Variants in NFIX observed in about 807,000 individuals in gnomAD.
NFIX encodes the protein nuclear factor 1 X-type.
In NFIX, 2 loss-of-function variants were observed where a neutral mutation model predicts 53.3. The ratio of observed to expected loss-of-function variants is 0.04; its 90% CI spans 0.02 to 0.12. The LOEUF is 0.12. Ranked by LOEUF, NFIX falls within the 10% of genes least tolerant of loss-of-function variation. The probability of loss-of-function intolerance (pLI) is 1.00; values close to 1 mark genes in which losing one functional copy is unlikely to be tolerated. For synonymous variants in NFIX, 244 were observed against 289.0 expected (o/e 0.84, Z 1.58); for missense variants, 310 against 674.5 (o/e 0.46, Z 5.99).
At chr19:13,087,951 T>A (rs1255129293) in intron 8 of NFIX, 38 bp from the exon 9 acceptor site, 5 of 1,535,560 alleles carry the variant, frequency 3.3e-6, no homozygotes, top group Non-Finnish European at 4.4e-6. Context: ...CTGTGTGTGA[T>A]GTGCCTTCAT....
rs2012434689 is a variant in NFIX at position 13,012,796 on chromosome 19, G to A, written c.28-12225G>A. ...GACAGCTTGGGGGCGTCCCTTCGGA[G>A]AGGATCTCTCCGCGTCGCATAGTGA... On this transcript the variant is annotated intron_variant, in intron 1 of 10. Transcript: ENST00000592199. The surrounding 1 kb of genome is among the most constrained non-coding windows in gnomAD (Gnocchi z 5.0). Among the ~76,000 whole-genome samples, 1 of 152,198 alleles carries A rather than the reference G, an allele frequency of 6.6e-6. No individual in the cohort carries two copies. The highest frequency in any genetic ancestry group is 6.5e-5 in the Admixed American group (1 of 15,286).
intron 2 of NFIX, among the ~76,000 whole-genome samples, chr19:13,057,476 C>A (rs1203783719): frequency 6.6e-6 from 1 of 152,238 alleles, no homozygotes; most frequent in Non-Finnish European, 1.5e-5. Flanking sequence ...GAGCTGCAGA[C>A]TCGGCTTTCG....
At chr19:12,995,886 C>A in intron 1 of NFIX, 22 bp downstream of exon 1, 1 of 975,724 alleles carries the variant, frequency 1.0e-6, no homozygotes, top group Non-Finnish European at 1.2e-6. Context: ...CGCCCCCGCG[C>A]GACCGGGGGA....
chr19:13,064,381 C>T (rs2016274862), intron 2 of NFIX, among the ~76,000 whole-genome samples: 1 of 152,224 alleles, frequency 6.6e-6, no homozygotes, highest in Non-Finnish European at 1.5e-5. Flanking sequence ...CTGGGCTGGG[C>T]TGGGCAGGCC....
At chr19:13,075,173 TC>T (rs1358056825) in intron 5 of NFIX, among the ~76,000 whole-genome samples, 23 of 152,000 alleles carry the variant, frequency 1.5e-4, no homozygotes, top group Admixed American at 6.6e-5. Context: ...GACATTTTTG[TC>T]CCTGTGAGTA....
chr19:13,000,840 C>A (rs1038090130), intron 1 of NFIX, among the ~76,000 whole-genome samples: 2 of 152,184 alleles, frequency 1.3e-5, no homozygotes, highest in African/African-American at 4.8e-5. Context: ...GGGCACATTG[C>A]GGGTGGGAGC....
In NFIX at chr19:13,002,807, C is replaced by G. The variant is rs927041502; in HGVS notation, c.27+6943C>G. ...CCACTGGGCCCCACCCTGAGGGGAG[C>G]CGGGGGTGGTGGCCAGCAGTGGGCA... On this transcript the variant is annotated intron_variant, in intron 1 of 10. Coordinates refer to ENST00000592199, the MANE Select transcript of NFIX (RefSeq NM_001365902.3). This position sits in a 1 kb window ranked among gnomAD's most constrained non-coding sequence, Gnocchi z 6.1. 5.9e-5 allele frequency among the ~76,000 whole-genome samples: 9 copies of G among 152,134 alleles called. No homozygotes were observed. Among genetic ancestry groups the G allele is most frequent in the Non-Finnish European group, 1.3e-4 (9 of 67,990 alleles).
chr19:13,075,068 TAAAAAAAAAAAA>T (rs57860606), intron 5 of NFIX, among the ~76,000 whole-genome samples: 2 of 73,686 alleles, frequency 2.7e-5, no homozygotes, highest in Non-Finnish European at 4.7e-5. Context: ...AGACTCCATC[TAAAAAAAAAAAA>T]AAAAAAAAAG....
At chr19:13,077,478 A>T (rs916427303) in intron 6 of NFIX, among the ~76,000 whole-genome samples, 1 of 152,164 alleles carries the variant, frequency 6.6e-6, no homozygotes, top group African/African-American at 2.4e-5. Context: ...AGCTGTGCAC[A>T]GCTGGTAGGA....
At position 13,036,145 on chromosome 19, in the gene NFIX, G is replaced by A. The variant is rs1288592564; in HGVS notation, c.559+10593G>A. Among the ~76,000 whole-genome samples, 1 of 152,202 alleles carries A rather than the reference G, an allele frequency of 6.6e-6. No individual in the cohort carries two copies. Among genetic ancestry groups the A allele is most frequent in the Admixed American group, 6.5e-5 (1 of 15,278 alleles). On this transcript the variant is annotated intron_variant, in intron 2 of 10. Coordinates refer to ENST00000592199, the MANE Select transcript of NFIX (RefSeq NM_001365902.3). The surrounding 1 kb of genome is among the most constrained non-coding windows in gnomAD (Gnocchi z 4.7). ...GGGGCCCCTGGGAAGTATCCTGCTT[G>A]GCTGCACCTGGCTTGGCCTCTGGAG...
intron 1 of NFIX, among the ~76,000 whole-genome samples, chr19:12,999,251 G>C (rs1251470073): frequency 6.6e-6 from 1 of 150,814 alleles, no homozygotes; most frequent in African/African-American, 2.4e-5. Flanking sequence ...TCGGCTCACT[G>C]TAACCTCTGC....
In NFIX at chr19:13,049,663, T is replaced by C. The variant is rs2015206249; in HGVS notation, c.560-23384T>C. 6.6e-6 allele frequency among the ~76,000 whole-genome samples: 1 copy of C among 151,520 alleles called. No individual in the cohort carries two copies. The highest frequency in any genetic ancestry group is 2.4e-5 in the African/African-American group (1 of 41,202). Reference sequence around the variant, plus strand: ...GGCTGGAGTGCAGTGGCGCGATCTCTGCTCACTGCAACCTCTGCCTCCTGG... The same window carrying C: ...GGCTGGAGTGCAGTGGCGCGATCTCCGCTCACTGCAACCTCTGCCTCCTGG... On this transcript the variant is annotated intron_variant, in intron 2 of 10. Transcript: ENST00000592199. The surrounding 1 kb of genome is among the most constrained non-coding windows in gnomAD (Gnocchi z 4.5).
At position 13,005,641 on chromosome 19, in the gene NFIX, G is replaced by A. The variant is rs1031049874; in HGVS notation, c.27+9777G>A. Among the ~76,000 whole-genome samples the A allele has an allele frequency of 6.6e-6, 1 of 152,170 alleles. No individual in the cohort carries two copies. The highest frequency in any genetic ancestry group is 1.9e-4 in the East Asian group (1 of 5,196). On this transcript the variant is annotated intron_variant, in intron 1 of 10. Coordinates refer to ENST00000592199, the MANE Select transcript of NFIX (RefSeq NM_001365902.3). This position sits in a 1 kb window ranked among gnomAD's most constrained non-coding sequence, Gnocchi z 4.7. ...TATCCAGTGCTAGGGTCAAGGGCGG[G>A]GAGCTCTTTCTTCAAGATCGTCACC...
Position 13,094,975 on chromosome 19 carries a change from A to C in NFIX, c.*326A>C. Reference sequence around the variant, plus strand: ...ATGCAGAACTGCCTTCCTCCCCCTGACCCCGCCCCGGCCTTCTGGGGAAGG... The same window carrying C: ...ATGCAGAACTGCCTTCCTCCCCCTGCCCCCGCCCCGGCCTTCTGGGGAAGG... On this transcript the variant is annotated 3_prime_UTR_variant, in exon 11 of 11. Transcript: ENST00000592199. This position sits in a 1 kb window ranked among gnomAD's most constrained non-coding sequence, Gnocchi z 4.3. 1.0e-5 allele frequency: 3 copies of C among 299,310 alleles called. No individual in the cohort carries two copies. Among genetic ancestry groups the C allele is most frequent in the Non-Finnish European group, 6.3e-6 (1 of 159,496 alleles). The allele number at this position is 299,310 out of a possible 1,614,324, so 18.5% of individuals were successfully genotyped here.
chr19:13,009,678 G>A lies in NFIX; in HGVS notation c.27+13814G>A, dbSNP rs999696578. Among the ~76,000 whole-genome samples, 3 of 152,212 alleles carry A rather than the reference G, an allele frequency of 2.0e-5. No individual in the cohort carries two copies. Among genetic ancestry groups the A allele is most frequent in the Admixed American group, 1.3e-4 (2 of 15,282 alleles). ...GTCTGCCCCTGGCTGGGAAAACAGG[G>A]CCACGCCCTCCCCACCAAATGCTAC... On this transcript the variant is annotated intron_variant, in intron 1 of 10. Coordinates refer to ENST00000592199, the MANE Select transcript of NFIX (RefSeq NM_001365902.3). The surrounding 1 kb of genome is among the most constrained non-coding windows in gnomAD (Gnocchi z 4.7).
In NFIX at chr19:13,036,180, C is replaced by T. The variant is rs2014174015; in HGVS notation, c.559+10628C>T. On this transcript the variant is annotated intron_variant, in intron 2 of 10. Coordinates refer to ENST00000592199, the MANE Select transcript of NFIX (RefSeq NM_001365902.3). This position sits in a 1 kb window ranked among gnomAD's most constrained non-coding sequence, Gnocchi z 4.7. Reference sequence around the variant, plus strand: ...GGCTTGGCCTCTGGAGTCGACTTCCCAAGTCTCCTAGGAAGGCGAGGGCTC... The same window carrying T: ...GGCTTGGCCTCTGGAGTCGACTTCCTAAGTCTCCTAGGAAGGCGAGGGCTC... Among the ~76,000 whole-genome samples, 1 of 152,144 alleles carries T rather than the reference C, an allele frequency of 6.6e-6. No homozygotes were observed. The highest frequency in any genetic ancestry group is 6.5e-5 in the Admixed American group (1 of 15,280).
chr19:13,062,084 G>A (rs576999372), intron 2 of NFIX, among the ~76,000 whole-genome samples: 7 of 152,220 alleles, frequency 4.6e-5, no homozygotes, highest in African/African-American at 1.7e-4. Context: ...GGCTGCCTTC[G>A]GGTCTCCAGG....
chr19:13,075,786 C>T lies in NFIX; in HGVS notation c.955+115C>T, dbSNP rs2017064810. 1.2e-5 allele frequency: 15 copies of T among 1,268,234 alleles called. No homozygotes were observed. The East Asian group carries it at 3.8e-4, about 32-fold the overall frequency. 78.6% of individuals were successfully genotyped at this position (1,268,234 alleles called of 1,614,324 possible). A position where few individuals can be genotyped will look rare whatever the true frequency, so the allele number is the denominator to read the frequency against. On this transcript the variant is annotated intron_variant, in intron 6 of 10. Transcript: ENST00000592199. ...TTGTCCCCCTGTCGGGGGGCATTAC[C>T]CATCTGTTTTCTTGCCTCCTGATCT...
Position 13,036,017 on chromosome 19 carries a change from C to T in NFIX, c.559+10465C>T, listed in dbSNP as rs2014161288. Among the ~76,000 whole-genome samples the T allele has an allele frequency of 1.3e-5, 2 of 152,222 alleles. No homozygotes were observed. Among genetic ancestry groups the T allele is most frequent in the Admixed American group, 6.5e-5 (1 of 15,290 alleles). On this transcript the variant is annotated intron_variant, in intron 2 of 10. Transcript: ENST00000592199. This position sits in a 1 kb window ranked among gnomAD's most constrained non-coding sequence, Gnocchi z 4.7. ...TGGTGTCTGAGTGGTTAGGATCCCA[C>T]TCTGGGGGATTCCTGCTGGTGGTAT...
Sources: gnomAD v4.1 joint callset for allele counts (sites outside exome capture counted in the v4.1 genomes callset) on GRCh38, gnomAD v4.1.1 for gene constraint, Gnocchi (gnomAD v3.1) non-coding constraint, MANE v1.5 for transcripts, NCBI Gene and HGNC (gene_info 2026-07-23, HGNC 2026-07-21) for gene names.